SELP: variants seen among roughly 807,000 people sequenced by gnomAD.
SELP encodes the protein selectin P.
SELP carries 92 observed loss-of-function variants against 104.1 expected under a neutral mutation model. The observed-to-expected ratio is 0.88, with a 90% CI of 0.75 to 1.05. The LOEUF (loss-of-function observed/expected upper bound fraction) is 1.05, where lower values mean the gene tolerates loss of function less well. Ranked by LOEUF, SELP falls within the 50% of genes least tolerant of loss-of-function variation. The pLI, the probability that SELP is intolerant of heterozygous loss-of-function variation, is 0.00. For synonymous variants in SELP, 397 were observed against 364.5 expected (o/e 1.09, Z -1.01); for missense variants, 1,022 against 1,017.3 (o/e 1.00, Z -0.06).
At chr1:169,599,368 A>C (rs1426921565) in intron 10 of SELP, among the ~76,000 whole-genome samples, 2 of 151,838 alleles carry the variant, frequency 1.3e-5, no homozygotes, top group Non-Finnish European at 2.9e-5. Flanking sequence ...CAAAAAAAAA[A>C]AAACTCCTGA....
Position 169,612,402 on chromosome 1 carries a change from G to T in SELP, c.776C>A (p.Ala259Asp). 6.2e-7 allele frequency: 1 copy of T among 1,613,932 alleles called. No homozygotes were observed. The highest frequency in any genetic ancestry group is 1.1e-5 in the South Asian group (1 of 91,072). The stretch of plus-strand genomic sequence containing the variant: ...AATCTTCAGGGGTGGGCACTGGGCA[G>T]CTAAAACCAACCACAGAATAATAGT... ...IWTNKPPQCLAAQCPPLKIPE... is the reference protein window; with the variant it reads ...IWTNKPPQCLDAQCPPLKIPE... The change falls in exon 6 of 17, where the codon GCT becomes GAT. Residue 259 changes from alanine to aspartate, a missense_variant and splice_region_variant. Physicochemically the swap from Ala to Asp is moderately radical, Grantham distance 126. Transcript: ENST00000263686.
In SELP at chr1:169,621,093, TTGTGTG is replaced by T. The variant is rs113157169; in HGVS notation, c.4-1880_4-1875del. Among the ~76,000 whole-genome samples the T allele has an allele frequency of 4.4e-4, 40 of 90,476 alleles. 1 individual carries two copies. The South Asian group carries it at 5.0e-3, about 11-fold the overall frequency. 59.4% of individuals were successfully genotyped at this position (90,476 alleles called of 152,430 possible). A position where few individuals can be genotyped will look rare whatever the true frequency, so the allele number is the denominator to read the frequency against. ...GTAGGGTGCATGGGATGGTGTGGAGTTGTGTGTGTGTGTGTGTGTGTGTGTGTCACA... is the reference window on the plus strand; with the variant it reads ...GTAGGGTGCATGGGATGGTGTGGAGTTGTGTGTGTGTGTGTGTGTGTCACA... On this transcript the variant is annotated intron_variant, in intron 1 of 16. Coordinates refer to ENST00000263686, the MANE Select transcript of SELP (RefSeq NM_003005.4).
At chr1:169,594,593 A>T in intron 13 of SELP, 99 bp downstream of exon 13, 1 of 1,171,232 alleles carries the variant, frequency 8.5e-7, no homozygotes, top group African/African-American at 1.5e-5. Flanking sequence ...AAACCCGGGG[A>T]TGGAAAGCAA....
chr1:169,594,419 G>T (rs1357846792), intron 13 of SELP, among the ~76,000 whole-genome samples: 1 of 152,116 alleles, frequency 6.6e-6, no homozygotes, highest in Admixed American at 6.5e-5. Context: ...AAACTTCAAG[G>T]TCTGTTAAAC....
rs1350836545 is a variant in SELP, at chr1:169,596,091, G to A, written c.1935C>T (p.Leu645=). 6.2e-7 allele frequency: 1 copy of A among 1,613,882 alleles called. No individual in the cohort carries two copies. Among genetic ancestry groups the A allele is most frequent in the Admixed American group, 1.7e-5 (1 of 60,016 alleles). ...ACATGGTTCCCTGCCCAGGAGTGGT[G>A]AGGGCTGGACATTGCACCCCTGGAG... The part of the protein sequence containing the change: ...LPTPGVQCPA[L]TTPGQGTMYC... The change falls in exon 12 of 17, where the codon CTC becomes CTT. Residue 645 remains leucine, a synonymous_variant. Transcript: ENST00000263686.
chr1:169,605,407 T>C (rs1288288028), intron 9 of SELP, among the ~76,000 whole-genome samples: 1 of 146,024 alleles, frequency 6.8e-6, no homozygotes, highest in African/African-American at 2.7e-5. Context: ...GCTGTTTGCT[T>C]GTCCATTTGT....
intron 11 of SELP, 148 bp from the exon 12 acceptor site, chr1:169,596,282 A>G (rs3917810): frequency 0.077 from 52,806 of 687,894 alleles, 2,526 homozygotes; most frequent in Non-Finnish European, 0.095. Context: ...AAGAAAAACT[A>G]TCAGTGTCAG....
Position 169,607,137 on chromosome 1 carries a change from A to G in SELP, c.1334-3T>C, listed in dbSNP as rs115596475. 1,793 of 1,590,676 alleles carry G rather than the reference A, an allele frequency of 1.1e-3. 26 individuals carry two copies. In the African/African-American group the frequency reaches 0.017, roughly 15 times the overall value. ...TGGGAGATCCTGGCACTGCAAAGCT[A>G]AGGGATGAGGAAGTAAGGAATAAAG... On this transcript the variant is annotated splice_polypyrimidine_tract_variant and splice_region_variant and intron_variant, in intron 8 of 16. Transcript: ENST00000263686.
At chr1:169,617,485 T>C in intron 2 of SELP, 71 bp from the exon 3 acceptor site, 1 of 1,429,962 alleles carries the variant, frequency 7.0e-7, no homozygotes, top group Non-Finnish European at 9.6e-7. Context: ...CCAAGTATGC[T>C]TCTGCATACT....
chr1:169,601,263 T>C (rs1383891339), intron 10 of SELP, among the ~76,000 whole-genome samples: 1 of 152,192 alleles, frequency 6.6e-6, no homozygotes, highest in South Asian at 2.1e-4. Flanking sequence ...GTATATCTTT[T>C]TGACAGCAGA....
rs548730705 is a variant in SELP at position 169,591,340 on chromosome 1, T to C, written c.2438+86A>G. 4.3e-5 allele frequency: 36 copies of C among 829,206 alleles called. No individual in the cohort carries two copies. The African/African-American group carries it at 4.6e-4, about 11-fold the overall frequency. 51.4% of individuals were successfully genotyped at this position (829,206 alleles called of 1,614,324 possible). On this transcript the variant is annotated intron_variant, in intron 15 of 16. Coordinates refer to ENST00000263686, the MANE Select transcript of SELP (RefSeq NM_003005.4). ...AGACATTGTAAAAAGGAGGCAGGCA[T>C]TGCATGTAATCATTCTGACATATTA...
chr1:169,621,397 G>A (rs12067152), intron 1 of SELP, among the ~76,000 whole-genome samples: 8,372 of 141,538 alleles, frequency 0.059, 312 homozygotes, highest in East Asian at 0.2. Context: ...CCCAGTGATG[G>A]ATGATGTAGG....
chr1:169,596,905 G>A (rs1661643319), intron 11 of SELP, 86 bp downstream of exon 11: 2 of 1,246,384 alleles, frequency 1.6e-6, no homozygotes, highest in Admixed American at 2.4e-5. Context: ...CAATTATCTA[G>A]TTCACATATA....
At chr1:169,621,408 G>A (rs1350009311) in intron 1 of SELP, among the ~76,000 whole-genome samples, 3 of 141,682 alleles carry the variant, frequency 2.1e-5, no homozygotes, top group Non-Finnish European at 3.0e-5. Context: ...ATGATGTAGG[G>A]TGCATGGGAC....
intron 16 of SELP, 97 bp downstream of exon 16, chr1:169,590,050 T>A (rs1292410221): frequency 1.2e-6 from 1 of 832,636 alleles, no homozygotes; most frequent in Non-Finnish European, 1.9e-6. Flanking sequence ...TACTTAAAAT[T>A]TAATATATGA....
chr1:169,606,171 G>A (rs1165003329), intron 9 of SELP, among the ~76,000 whole-genome samples: 1 of 152,148 alleles, frequency 6.6e-6, no homozygotes, highest in Non-Finnish European at 1.5e-5. Context: ...ACAAAAATTA[G>A]CTGGGTGCAG....
chr1:169,593,010 T>A (rs1022221914), intron 14 of SELP, among the ~76,000 whole-genome samples: 5 of 152,174 alleles, frequency 3.3e-5, no homozygotes, highest in Non-Finnish European at 7.4e-5. Flanking sequence ...GAAAAAGGCT[T>A]TCTGACCTGC....
At chr1:169,591,247 T>G (rs3917839) in intron 15 of SELP, among the ~76,000 whole-genome samples, 179 bp downstream of exon 15, 8,766 of 152,262 alleles carry the variant, frequency 0.058, 351 homozygotes, top group Middle Eastern at 0.12. Flanking sequence ...TATTCCTACT[T>G]TATATTTTAA....
chr1:169,614,098 G>A lies in SELP; in HGVS notation c.482-405C>T, dbSNP rs182670892. Among the ~76,000 whole-genome samples, 169 of 152,326 alleles carry A rather than the reference G, an allele frequency of 1.1e-3. 2 individuals are homozygous for A. Among genetic ancestry groups the A allele is most frequent in the Non-Finnish European group, 6.0e-4 (41 of 68,018 alleles). On this transcript the variant is annotated intron_variant, in intron 3 of 16. Coordinates refer to ENST00000263686, the MANE Select transcript of SELP (RefSeq NM_003005.4). The stretch of plus-strand genomic sequence containing the variant: ...TGAGGTTAGGCACCAGATGTGGGGC[G>A]TGGGGTCACACAGGTGTGATATGAA...
Sources: gnomAD v4.1 joint callset for allele counts (sites outside exome capture counted in the v4.1 genomes callset) on GRCh38, gnomAD v4.1.1 for gene constraint, MANE v1.5 for transcripts, NCBI Gene and HGNC (gene_info 2026-07-23, HGNC 2026-07-21) for gene names.